CCDC121: variants seen among roughly 807,000 people sequenced by gnomAD.
CCDC121 encodes coiled-coil domain containing 121, also known as coiled-coil domain-containing protein 121.
For missense variants in CCDC121, 238 were observed against 304.1 expected (o/e 0.78, Z 1.62); for synonymous variants, 108 against 120.0 (o/e 0.90, Z 0.65).
intron 1 of CCDC121, chr2:27,628,507 C>A (rs764309395): frequency 1.3e-6 from 2 of 1,551,482 alleles, no homozygotes; most frequent in Non-Finnish European, 1.7e-6. Flanking sequence ...CTCGCGGGAA[C>A]AATGTGCAAG....
Position 27,626,891 on chromosome 2 carries a change from T to A in CCDC121, c.*72A>T. ...AATAGCAATCTGGAATCCAACAGCC[T>A]TTCTAACCAGGTTAATGTAGCACTT... On this transcript the variant is annotated 3_prime_UTR_variant, in exon 2 of 2. Coordinates refer to ENST00000324364, the MANE Select transcript of CCDC121 (RefSeq NM_024584.5). 1 of 1,110,274 alleles carries A rather than the reference T, an allele frequency of 9.0e-7. No homozygotes were observed. The highest frequency in any genetic ancestry group is 1.3e-6 in the Non-Finnish European group (1 of 767,634). 68.8% of individuals were successfully genotyped at this position (1,110,274 alleles called of 1,614,324 possible).
At position 27,628,946 on chromosome 2, in the gene CCDC121, T is replaced by C; in HGVS notation, c.-119+4A>G. The C allele has an allele frequency of 6.5e-7, 1 of 1,543,976 alleles. No homozygotes were observed. Among genetic ancestry groups the C allele is most frequent in the Admixed American group, 2.0e-5 (1 of 49,380 alleles). On this transcript the variant is annotated splice_donor_region_variant and intron_variant, in intron 1 of 1. Transcript: ENST00000324364. Reference sequence around the variant, plus strand: ...GATGCCCTGGCAACCGCCGCGCCCCTCACCCGCTCCTTTCTGACGCTGTGG... The same window carrying C: ...GATGCCCTGGCAACCGCCGCGCCCCCCACCCGCTCCTTTCTGACGCTGTGG...
rs116976623 is a variant in CCDC121 at position 27,627,032 on chromosome 2, A to G, written c.768T>C (p.Asn256=). 1,555 of 1,614,188 alleles carry G rather than the reference A, an allele frequency of 9.6e-4. 27 individuals are homozygous for G. The East Asian group carries it at 0.025, about 26-fold the overall frequency. The change falls in exon 2 of 2, where the codon AAT becomes AAC. Residue 256 remains asparagine (N), a synonymous_variant. Transcript: ENST00000324364. ...RLQGSHNQCL[N]RQDVPKTTPS... is the part of the protein sequence containing the mutation. ...GTGTGGTCTTTGGAACATCCTGTCT[A>G]TTTAGGCACTGATTATGACTTCCTT...
rs1673408785 is a variant in CCDC121 at position 27,628,962 on chromosome 2, G to A, written c.-131C>T. ...CCGCGCCCCTCACCCGCTCCTTTCT[G>A]ACGCTGTGGTGGTTTTCGTTCGCAG... is the stretch of plus-strand genomic sequence containing the variant. On this transcript the variant is annotated 5_prime_UTR_variant, in exon 1 of 2. Coordinates refer to ENST00000324364, the MANE Select transcript of CCDC121 (RefSeq NM_024584.5). 1 of 1,571,778 alleles carries A rather than the reference G, an allele frequency of 6.4e-7. No individual in the cohort carries two copies. The highest frequency in any genetic ancestry group is 8.6e-7 in the Non-Finnish European group (1 of 1,158,826).
At chr2:27,628,211 C>T in intron 1 of CCDC121, 1 of 664,492 alleles carries the variant, frequency 1.5e-6, no homozygotes, top group East Asian at 2.7e-5. Context: ...GTGGCAGAGC[C>T]TGGGTATTAA....
At chr2:27,628,728 T>C (rs537460428) in intron 1 of CCDC121, 35 of 1,550,998 alleles carry the variant, frequency 2.3e-5, no homozygotes, top group Non-Finnish European at 2.7e-5. Context: ...TGCTCCTCGT[T>C]TTCTTGCTGT....
At chr2:27,628,357 C>A in intron 1 of CCDC121, 1 of 1,521,806 alleles carries the variant, frequency 6.6e-7, no homozygotes, top group Non-Finnish European at 8.8e-7. Flanking sequence ...CCTTCAGTGA[C>A]TGGAGGGGAG....
At position 27,627,491 on chromosome 2, in the gene CCDC121, C is replaced by T; in HGVS notation, c.309G>A (p.Lys103=). Residue 103 remains lysine (K), a synonymous_variant, in exon 2 of 2, where the codon AAG becomes AAA. Coordinates refer to ENST00000324364, the MANE Select transcript of CCDC121 (RefSeq NM_024584.5). ...TAGCAATGTCCCTCATTGCCTGCAA[C>T]TTCCGCTTCAAACTGGATTGGATAT... ...KENIQSSLKR[K]LQAMRDIAIL... 6.2e-7 allele frequency: 1 copy of T among 1,614,200 alleles called. No homozygotes were observed. Among genetic ancestry groups the T allele is most frequent in the Non-Finnish European group, 8.5e-7 (1 of 1,180,048 alleles).
chr2:27,628,714 G>A (rs1234568009), intron 1 of CCDC121: 1 of 1,551,540 alleles, frequency 6.4e-7, no homozygotes. Flanking sequence ...CAAAATGACA[G>A]GCATGCTCCT....
chr2:27,627,647 T>G lies in CCDC121; in HGVS notation c.153A>C (p.Thr51=). 6.2e-7 allele frequency: 1 copy of G among 1,614,112 alleles called. No homozygotes were observed. ...TGTTCCATACCTTCTCAGGTTGCTCTGTGTACTCTTCAGTTTTGTTAGTCA... is the reference window on the plus strand; with the variant it reads ...TGTTCCATACCTTCTCAGGTTGCTCGGTGTACTCTTCAGTTTTGTTAGTCA... ...EYLTNKTEEY[T]EQPEKVWNSY... Residue 51 remains threonine (T), a synonymous_variant, in exon 2 of 2, where the codon ACA becomes ACC. Coordinates refer to ENST00000324364, the MANE Select transcript of CCDC121 (RefSeq NM_024584.5).
Position 27,627,696 on chromosome 2 carries a change from T to C in CCDC121, c.104A>G (p.Glu35Gly). The change falls in exon 2 of 2, where the codon GAA (glutamate) becomes GGA (glycine). Residue 35 changes from glutamate (E) to glycine (G), a missense_variant. Glu to Gly is a moderately conservative substitution (Grantham distance 98). Transcript: ENST00000324364. ...LHREKLLVQA[E>G]NRFFLEYLTN... ...CAGGTATTCCAGAAAGAATCTGTTT[T>C]CAGCCTGGACAAGTAACTTTTCTCG... The C allele has an allele frequency of 6.2e-7, 1 of 1,613,998 alleles. No individual in the cohort carries two copies. The highest frequency in any genetic ancestry group is 1.3e-5 in the African/African-American group (1 of 75,010).
At position 27,627,814 on chromosome 2, in the gene CCDC121, T is replaced by C; in HGVS notation, c.-15A>G. ...AGATCCGTCATTTCCGCCACTATCT[T>C]TTCTTTAAGCCTTGTCTCTACCTTT... On this transcript the variant is annotated 5_prime_UTR_variant, in exon 2 of 2. Coordinates refer to ENST00000324364, the MANE Select transcript of CCDC121 (RefSeq NM_024584.5). The C allele has an allele frequency of 6.2e-7, 1 of 1,614,220 alleles. No individual in the cohort carries two copies. Among genetic ancestry groups the C allele is most frequent in the Non-Finnish European group, 8.5e-7 (1 of 1,180,040 alleles).
At chr2:27,628,126 T>C in intron 1 of CCDC121, 1 of 620,558 alleles carries the variant, frequency 1.6e-6, no homozygotes, top group South Asian at 2.0e-5. Flanking sequence ...TGGGAGGTAT[T>C]ACCTCAGTTT....
In CCDC121 at chr2:27,627,922, A is replaced by G; in HGVS notation, c.-118-5T>C. 1 of 1,589,262 alleles carries G rather than the reference A, an allele frequency of 6.3e-7. No individual in the cohort carries two copies. The highest frequency in any genetic ancestry group is 1.1e-5 in the South Asian group (1 of 90,352). ...CTTCTGGGGCCCTCAGCAAACCTGA[A>G]AGAACAAACGAGACATTCCTCTGTC... On this transcript the variant is annotated splice_region_variant and splice_polypyrimidine_tract_variant and intron_variant, in intron 1 of 1. Transcript: ENST00000324364.
rs1348256406 is a variant in CCDC121 at position 27,627,249 on chromosome 2, G to A, written c.551C>T (p.Ala184Val). ...NMKAQALKLA[A>V]KRFIFEYSCG... ...GGAGTATTCAAAAATAAACCGCTTT[G>A]CTGCCAACTTCAAGGCCTGGGCCTT... The change falls in exon 2 of 2, where the codon GCA (alanine) becomes GTA (valine). Residue 184 changes from alanine to valine, a missense_variant. Ala to Val is a moderately conservative substitution (Grantham distance 64, BLOSUM62 0). Coordinates refer to ENST00000324364, the MANE Select transcript of CCDC121 (RefSeq NM_024584.5). 5 of 1,613,834 alleles carry A rather than the reference G, an allele frequency of 3.1e-6. No individual in the cohort carries two copies. In the South Asian group the frequency reaches 4.4e-5, roughly 14 times the overall value.
intron 1 of CCDC121, 125 bp from the exon 2 acceptor site, chr2:27,628,042 G>A: frequency 2.8e-6 from 2 of 718,016 alleles, no homozygotes; most frequent in Non-Finnish European, 4.6e-6. Context: ...ATTATGCAAG[G>A]TGTGGGGAAT....
rs1306976529 is a variant in CCDC121 at position 27,627,699 on chromosome 2, G to T, written c.101C>A (p.Ala34Asp). Residue 34 changes from alanine to aspartate, a missense_variant, in exon 2 of 2, where the codon GCT becomes GAT. Transcript: ENST00000324364. Reference protein sequence around the residue: ...ELHREKLLVQAENRFFLEYLT... With the variant: ...ELHREKLLVQDENRFFLEYLT... Reference sequence around the variant, plus strand: ...GTATTCCAGAAAGAATCTGTTTTCAGCCTGGACAAGTAACTTTTCTCGGTG... The same window carrying T: ...GTATTCCAGAAAGAATCTGTTTTCATCCTGGACAAGTAACTTTTCTCGGTG... 1 of 1,613,530 alleles carries T rather than the reference G, an allele frequency of 6.2e-7. No individual in the cohort carries two copies. The highest frequency in any genetic ancestry group is 8.5e-7 in the Non-Finnish European group (1 of 1,179,946).
chr2:27,627,555 T>C lies in CCDC121; in HGVS notation c.245A>G (p.Gln82Arg). Residue 82 changes from glutamine to arginine, a missense_variant, in exon 2 of 2, where the codon CAA becomes CGA. By Grantham distance (43) the Gln-to-Arg change is conservative. Coordinates refer to ENST00000324364, the MANE Select transcript of CCDC121 (RefSeq NM_024584.5). ...RQESASRYAE[Q>R]ISVLKTALLQ... Reference sequence around the variant, plus strand: ...GAGCGCTGTTTTAAGCACTGAAATTTGTTCTGCATATCTGGAGGCTGATTC... The same window carrying C: ...GAGCGCTGTTTTAAGCACTGAAATTCGTTCTGCATATCTGGAGGCTGATTC... The C allele has an allele frequency of 6.2e-7, 1 of 1,614,220 alleles. No individual in the cohort carries two copies. Among genetic ancestry groups the C allele is most frequent in the Non-Finnish European group, 8.5e-7 (1 of 1,180,040 alleles).
In CCDC121 at chr2:27,628,994, A is replaced by G; in HGVS notation, c.-163T>C. 3 of 1,607,922 alleles carry G rather than the reference A, an allele frequency of 1.9e-6. No homozygotes were observed. Among genetic ancestry groups the G allele is most frequent in the Non-Finnish European group, 2.5e-6 (3 of 1,176,782 alleles). Reference sequence around the variant, plus strand: ...TGGTGGTTTTCGTTCGCAGCCCAGAACATTGCGGAAGTTTCTCTACCCATG... The same window carrying G: ...TGGTGGTTTTCGTTCGCAGCCCAGAGCATTGCGGAAGTTTCTCTACCCATG... On this transcript the variant is annotated 5_prime_UTR_variant, in exon 1 of 2. Transcript: ENST00000324364.
Sources: gnomAD v4.1 joint callset for allele counts on GRCh38, gnomAD v4.1.1 for gene constraint, MANE v1.5 for transcripts, NCBI Gene and HGNC (gene_info 2026-07-23, HGNC 2026-07-21) for gene names.